Variants in RCOR1 observed in about 807,000 individuals in gnomAD.
RCOR1 encodes the protein REST corepressor 1, also known as REST corepressor.
Under a neutral mutation model 64.0 loss-of-function variants are expected in RCOR1, and 12 were observed. The observed-to-expected ratio is 0.19, with a 90% confidence interval of 0.12 to 0.30. RCOR1 has a LOEUF of 0.30. Ranked by LOEUF, RCOR1 falls within the 10% of genes least tolerant of loss-of-function variation. RCOR1 has a pLI of 1.00. For synonymous variants in RCOR1, 279 were observed against 227.2 expected (o/e 1.23, Z -2.05); for missense variants, 502 against 621.2 (o/e 0.81, Z 2.04).
At chr14:102,657,415 A>G in intron 2 of RCOR1, 2 of 985,306 alleles carry the variant, frequency 2.0e-6, no homozygotes, top group Admixed American at 1.2e-4. Flanking sequence ...TTTTCTGATG[A>G]TGTTTTTGTT....
intron 2 of RCOR1, among the ~76,000 whole-genome samples, chr14:102,632,902 C>T (rs938010844): frequency 2.0e-5 from 3 of 151,182 alleles, no homozygotes; most frequent in Non-Finnish European, 4.4e-5. Flanking sequence ...GCCTCAAACT[C>T]CTGGGCTCAA....
intron 2 of RCOR1, among the ~76,000 whole-genome samples, chr14:102,648,651 CAT>C (rs913563935): frequency 2.0e-5 from 3 of 152,298 alleles, no homozygotes; most frequent in South Asian, 2.1e-4. Flanking sequence ...TCTGCCTACA[CAT>C]ATATATAACC....
chr14:102,646,776 A>G (rs1441444054), intron 2 of RCOR1, among the ~76,000 whole-genome samples: 11 of 152,258 alleles, frequency 7.2e-5, no homozygotes, highest in Admixed American at 7.2e-4. Flanking sequence ...TAGAAGATGC[A>G]TACTAAAGGA....
chr14:102,599,906 T>G (rs1171999080), intron 2 of RCOR1, among the ~76,000 whole-genome samples: 1 of 151,252 alleles, frequency 6.6e-6, no homozygotes, highest in Non-Finnish European at 1.5e-5. Context: ...CAGACTCAAG[T>G]GATCCTCCCC....
In RCOR1 at chr14:102,707,539, A is replaced by G. The variant is rs372167310; in HGVS notation, c.660+27A>G. On this transcript the variant is annotated intron_variant, in intron 5 of 11. Transcript: ENST00000262241. The stretch of plus-strand genomic sequence containing the variant: ...TAAGTAGATGAGACCACTGAGTTCT[A>G]TTTTTTTTCTCCTATCTAACTCTCT... The G allele has an allele frequency of 3.7e-5, 58 of 1,555,256 alleles. No individual in the cohort carries two copies. In the African/African-American group the frequency reaches 5.2e-4, roughly 14 times the overall value.
At chr14:102,700,841 C>T (rs1474677119) in intron 3 of RCOR1, among the ~76,000 whole-genome samples, 1 of 152,180 alleles carries the variant, frequency 6.6e-6, no homozygotes, top group African/African-American at 2.4e-5. Flanking sequence ...CGTTTTTATG[C>T]TGTTGGTAAA....
intron 3 of RCOR1, among the ~76,000 whole-genome samples, chr14:102,692,747 T>TCCTTCCTG (rs1464867063): frequency 6.9e-6 from 1 of 145,838 alleles, no homozygotes; most frequent in African/African-American, 2.6e-5. Flanking sequence ...CTTCCTTCCT[T>TCCTTCCTG]CCTTCCTTCT....
At chr14:102,656,868 C>T (rs1207182361) in intron 2 of RCOR1, among the ~76,000 whole-genome samples, 2 of 151,868 alleles carry the variant, frequency 1.3e-5, no homozygotes, top group Non-Finnish European at 2.9e-5. Flanking sequence ...CTCCGCCTTC[C>T]AGGTTCAGGT....
In RCOR1 at chr14:102,704,727, G is replaced by GC. The variant is rs1418723027; in HGVS notation, c.499-2619dup. On this transcript the variant is annotated intron_variant, in intron 4 of 11. Transcript: ENST00000262241. The stretch of plus-strand genomic sequence containing the variant: ...TTATAGGCGTGAGCCACCGCGCCCA[G>GC]CCCCCTTCTAGGATTTTTAGTGGCA... Among the ~76,000 whole-genome samples, 4 of 152,344 alleles carry GC rather than the reference G, an allele frequency of 2.6e-5. No homozygotes were observed. In the East Asian group the frequency reaches 7.7e-4, roughly 29 times the overall value.
chr14:102,635,174 T>C (rs1894210782), intron 2 of RCOR1, among the ~76,000 whole-genome samples: 1 of 152,152 alleles, frequency 6.6e-6, no homozygotes, highest in African/African-American at 2.4e-5. Context: ...TTTAAATTCT[T>C]CTCAGTATAT....
At position 102,726,554 on chromosome 14, in the gene RCOR1, G is replaced by T. The variant is rs539742580; in HGVS notation, c.*48G>T. On this transcript the variant is annotated 3_prime_UTR_variant, in exon 12 of 12. Coordinates refer to ENST00000262241, the MANE Select transcript of RCOR1 (RefSeq NM_015156.4). ...TGGTGTGGACTACTGTGTTATCCGG[G>T]ATATCAGGTATTATGAGACATCACC... 1.3e-6 allele frequency: 2 copies of T among 1,503,738 alleles called. No homozygotes were observed. Among genetic ancestry groups the T allele is most frequent in the Non-Finnish European group, 1.8e-6 (2 of 1,097,718 alleles). 93.1% of individuals were successfully genotyped at this position (1,503,738 alleles called of 1,614,324 possible).
intron 4 of RCOR1, among the ~76,000 whole-genome samples, chr14:102,701,781 G>A (rs368780776): frequency 2.6e-5 from 4 of 152,130 alleles, no homozygotes; most frequent in African/African-American, 2.4e-5. Flanking sequence ...GTGCAGTGGC[G>A]CATCTCAGCT....
chr14:102,603,795 G>GT (rs983131180), intron 2 of RCOR1, among the ~76,000 whole-genome samples: 135 of 151,516 alleles, frequency 8.9e-4, no homozygotes, highest in African/African-American at 2.8e-3. Flanking sequence ...TAATTTTTGT[G>GT]TTTTTTTGTA....
Position 102,729,779 on chromosome 14 carries a change from C to T in RCOR1, c.*3273C>T. 2.5e-6 allele frequency: 1 copy of T among 398,890 alleles called. No individual in the cohort carries two copies. The highest frequency in any genetic ancestry group is 4.4e-6 in the Non-Finnish European group (1 of 226,060). The allele number at this position is 398,890 out of a possible 1,614,324, so 24.7% of individuals were successfully genotyped here. A position where few individuals can be genotyped will look rare whatever the true frequency, so the allele number is the denominator to read the frequency against. On this transcript the variant is annotated 3_prime_UTR_variant, in exon 12 of 12. Coordinates refer to ENST00000262241, the MANE Select transcript of RCOR1 (RefSeq NM_015156.4). Reference sequence around the variant, plus strand: ...GTATAATTGCACACCAAAAATAAGCCAAACAGTGCATTACGCTAACTGGAT... The same window carrying T: ...GTATAATTGCACACCAAAAATAAGCTAAACAGTGCATTACGCTAACTGGAT...
chr14:102,702,951 T>G (rs1341088631), intron 4 of RCOR1, among the ~76,000 whole-genome samples: 1 of 152,146 alleles, frequency 6.6e-6, no homozygotes, highest in Admixed American at 6.6e-5. Context: ...TAAAGATGTT[T>G]TTAAAGAACT....
intron 7 of RCOR1, among the ~76,000 whole-genome samples, chr14:102,712,292 C>T (rs1566711424): frequency 6.6e-6 from 1 of 152,094 alleles, no homozygotes; most frequent in Non-Finnish European, 1.5e-5. Context: ...AAGTGATTCT[C>T]CTGCCTCAGC....
At chr14:102,652,152 T>C (rs941163919) in intron 2 of RCOR1, among the ~76,000 whole-genome samples, 4 of 152,234 alleles carry the variant, frequency 2.6e-5, no homozygotes, top group Non-Finnish European at 5.9e-5. Flanking sequence ...AAGTTCCTAC[T>C]ATGTACCAGA....
chr14:102,688,027 C>A (rs1453424550), intron 3 of RCOR1, among the ~76,000 whole-genome samples: 1 of 147,558 alleles, frequency 6.8e-6, no homozygotes, highest in Non-Finnish European at 1.5e-5. Context: ...AGTACAGTGG[C>A]GTGATCTTGG....
intron 3 of RCOR1, among the ~76,000 whole-genome samples, chr14:102,683,473 A>G (rs987245572): frequency 6.6e-6 from 1 of 152,254 alleles, no homozygotes; most frequent in African/African-American, 2.4e-5. Flanking sequence ...AGCACGGAAA[A>G]GAAGCCAGAG....
Sources: allele counts gnomAD v4.1 joint callset (sites outside exome capture counted in the v4.1 genomes callset), GRCh38; gene constraint gnomAD v4.1.1; transcripts MANE v1.5; gene names NCBI Gene and HGNC (gene_info 2026-07-23, HGNC 2026-07-21).